Variants in CD276 observed in about 807,000 individuals in gnomAD.
The protein encoded by CD276 is CD276 antigen.
A neutral mutation model predicts 50.0 loss-of-function variants in CD276; 34 were observed. The observed-to-expected ratio is 0.68, with a 90% CI of 0.52 to 0.91. CD276 has a LOEUF of 0.91. CD276 is among the 40% of genes least tolerant of loss of function. CD276 has a pLI of 0.00. For missense variants in CD276, 634 were observed against 717.5 expected (o/e 0.88, Z 1.33); for synonymous variants, 275 against 313.0 (o/e 0.88, Z 1.28).
chr15:73,703,175 T>G, intron 4 of CD276, 89 bp downstream of exon 4: 2 of 1,431,246 alleles, frequency 1.4e-6, no homozygotes, highest in Non-Finnish European at 1.9e-6. Flanking sequence ...CCACCTTCAA[T>G]CTCCCAGAAC....
intron 6 of CD276, 116 bp from the exon 7 acceptor site, chr15:73,708,223 T>C (rs1900723920): frequency 1.5e-5 from 16 of 1,098,502 alleles, no homozygotes; most frequent in Non-Finnish European, 7.9e-6. Flanking sequence ...GCTTTATTCA[T>C]AGTGTTAGGG....
chr15:73,692,575 C>T (rs1230453558), intron 1 of CD276, among the ~76,000 whole-genome samples: 1 of 152,050 alleles, frequency 6.6e-6, no homozygotes, highest in Non-Finnish European at 1.5e-5. Context: ...ACAAAACTGG[C>T]CTATGTTATT....
At chr15:73,699,805 C>A in intron 2 of CD276, 87 bp downstream of exon 2, 1 of 1,451,664 alleles carries the variant, frequency 6.9e-7, no homozygotes, top group Non-Finnish European at 9.2e-7. Flanking sequence ...AGGGGTCCTG[C>A]CAAGCCAGCT....
Position 73,704,455 on chromosome 15 carries a change from G to C in CD276, c.1352G>C (p.Gly451Ala), listed in dbSNP as rs761709030. 5 of 1,613,206 alleles carry C rather than the reference G, an allele frequency of 3.1e-6. No individual in the cohort carries two copies. In the African/African-American group the frequency reaches 5.3e-5, roughly 17 times the overall value. The change falls in exon 6 of 10, where the codon GGC (glycine) becomes GCC (alanine). Residue 451 changes from glycine (G) to alanine (A), a missense_variant. Physicochemically the swap from Gly to Ala is moderately conservative, Grantham distance 60. Transcript: ENST00000318443. This position sits in a 1 kb window ranked among gnomAD's most constrained non-coding sequence, Gnocchi z 4.1. ...CCCGTGCTGCAGCAGGATGCGCACG[G>C]CTCTGTCACCATCACAGGTAAGGGC... ...RNPVLQQDAH[G>A]SVTITGQPMT...
intron 9 of CD276, 58 bp downstream of exon 9, chr15:73,711,228 G>A (rs1900888935): frequency 1.3e-6 from 2 of 1,577,118 alleles, no homozygotes; most frequent in Non-Finnish European, 1.7e-6. Flanking sequence ...TGTGTGAGAG[G>A]CTGAGAGGGT....
chr15:73,695,730 C>T (rs1223988130), intron 1 of CD276, among the ~76,000 whole-genome samples: 4 of 152,212 alleles, frequency 2.6e-5, no homozygotes, highest in African/African-American at 9.6e-5. Flanking sequence ...AATATCTGGG[C>T]GGTCTAGGTC....
intron 2 of CD276, among the ~76,000 whole-genome samples, chr15:73,702,001 A>G (rs1354094631): frequency 2.6e-5 from 4 of 152,196 alleles, no homozygotes; most frequent in Non-Finnish European, 5.9e-5. Context: ...TCTCTCTCCC[A>G]TTAAAATGTA....
In CD276 at chr15:73,709,799, A is replaced by T. The variant is rs561091827; in HGVS notation, c.1546+110A>T. On this transcript the variant is annotated intron_variant, in intron 8 of 9. Transcript: ENST00000318443. ...AGATTTGCTGTAAGGTTTGAATGAA[A>T]TGTGTTCTGTGGACTCAGACCTCCC... 7 of 1,142,084 alleles carry T rather than the reference A, an allele frequency of 6.1e-6. No individual in the cohort carries two copies. In the South Asian group the frequency reaches 8.9e-5, roughly 14 times the overall value. The allele number at this position is 1,142,084 out of a possible 1,614,324, so 70.7% of individuals were successfully genotyped here. A position where few individuals can be genotyped will look rare whatever the true frequency, so the allele number is the denominator to read the frequency against.
chr15:73,714,073 C>G lies in CD276; in HGVS notation c.*1117C>G, dbSNP rs1048992700. 1 of 290,940 alleles carries G rather than the reference C, an allele frequency of 3.4e-6. No homozygotes were observed. The highest frequency in any genetic ancestry group is 2.4e-5 in the African/African-American group (1 of 42,364). 18.0% of individuals were successfully genotyped at this position (290,940 alleles called of 1,614,324 possible). A position where few individuals can be genotyped will look rare whatever the true frequency, so the allele number is the denominator to read the frequency against. On this transcript the variant is annotated 3_prime_UTR_variant, in exon 10 of 10. Transcript: ENST00000318443. ...ACCCCCATCCCACCCATAATTCTTACCCAGAGCATGGGGTTGGGGCGGAAA... is the reference window on the plus strand; with the variant it reads ...ACCCCCATCCCACCCATAATTCTTAGCCAGAGCATGGGGTTGGGGCGGAAA...
Position 73,713,989 on chromosome 15 carries a change from C to G in CD276, c.*1033C>G, listed in dbSNP as rs910253571. On this transcript the variant is annotated 3_prime_UTR_variant, in exon 10 of 10. Coordinates refer to ENST00000318443, the MANE Select transcript of CD276 (RefSeq NM_001024736.2). ...ACTGCACCCTGCGGTTTGCAGGGGGCTCCTGCCTGGCTCCCTGCTCCACAC... is the reference window on the plus strand; with the variant it reads ...ACTGCACCCTGCGGTTTGCAGGGGGGTCCTGCCTGGCTCCCTGCTCCACAC... The G allele has an allele frequency of 1.9e-5, 6 of 310,420 alleles. No homozygotes were observed. Among genetic ancestry groups the G allele is most frequent in the Non-Finnish European group, 3.6e-5 (6 of 166,194 alleles). 19.2% of individuals were successfully genotyped at this position (310,420 alleles called of 1,614,324 possible). A position where few individuals can be genotyped will look rare whatever the true frequency, so the allele number is the denominator to read the frequency against.
At chr15:73,686,909 C>G (rs973063041) in intron 1 of CD276, among the ~76,000 whole-genome samples, 8 of 152,104 alleles carry the variant, frequency 5.3e-5, no homozygotes, top group African/African-American at 1.9e-4. Context: ...AGGAGGATGA[C>G]GTTACTGCCC....
In CD276 at chr15:73,708,361, A is replaced by C. The variant is rs1015331914; in HGVS notation, c.1392A>C (p.Pro464=). The part of the protein sequence containing the change: ...TITGQPMTFP[P]EALWVTVGLS... ...CAGGGCAGCCTATGACATTCCCCCC[A>C]GAGGCCCTGTGGGTGACCGTGGGGC... is the stretch of plus-strand genomic sequence containing the variant. Residue 464 remains proline (P), a synonymous_variant, in exon 7 of 10, where the codon CCA becomes CCC. Transcript: ENST00000318443. 6 of 1,614,048 alleles carry C rather than the reference A, an allele frequency of 3.7e-6. No individual in the cohort carries two copies. In the African/African-American group the frequency reaches 4.0e-5, roughly 11 times the overall value.
chr15:73,711,048 A>G (rs1299734550), intron 8 of CD276, 87 bp from the exon 9 acceptor site: 1 of 1,370,868 alleles, frequency 7.3e-7, no homozygotes. Flanking sequence ...CGCCCCTTCC[A>G]GCCCTCACTC....
chr15:73,713,039 C>T lies in CD276; in HGVS notation c.*83C>T. The T allele has an allele frequency of 7.9e-7, 1 of 1,267,552 alleles. No individual in the cohort carries two copies. Among genetic ancestry groups the T allele is most frequent in the Non-Finnish European group, 1.1e-6 (1 of 881,920 alleles). The allele number at this position is 1,267,552 out of a possible 1,614,324, so 78.5% of individuals were successfully genotyped here. On this transcript the variant is annotated 3_prime_UTR_variant, in exon 10 of 10. Coordinates refer to ENST00000318443, the MANE Select transcript of CD276 (RefSeq NM_001024736.2). ...GGGGCTGCACTGTGAGCCCTGCCCCCAACAGATGCATCCTGCTCTGACAGG... is the reference window on the plus strand; with the variant it reads ...GGGGCTGCACTGTGAGCCCTGCCCCTAACAGATGCATCCTGCTCTGACAGG...
intron 7 of CD276, 167 bp downstream of exon 7, chr15:73,708,640 G>A: frequency 1.4e-6 from 1 of 730,654 alleles, no homozygotes; most frequent in South Asian, 1.8e-5. Flanking sequence ...CGTCTTGTGT[G>A]TGTGAACAAG....
chr15:73,693,370 T>C (rs1353261740), intron 1 of CD276, among the ~76,000 whole-genome samples: 1 of 152,214 alleles, frequency 6.6e-6, no homozygotes, highest in Non-Finnish European at 1.5e-5. Context: ...TGCCGACTTA[T>C]ACACTTAAAC....
At position 73,714,074 on chromosome 15, in the gene CD276, CCAGAG is replaced by C; in HGVS notation, c.*1121_*1125del. On this transcript the variant is annotated 3_prime_UTR_variant, in exon 10 of 10. Coordinates refer to ENST00000318443, the MANE Select transcript of CD276 (RefSeq NM_001024736.2). ...CCCCCATCCCACCCATAATTCTTAC[CCAGAG>C]CATGGGGTTGGGGCGGAAACCTGGA... 3.4e-6 allele frequency: 1 copy of C among 291,190 alleles called. No homozygotes were observed. Among genetic ancestry groups the C allele is most frequent in the Middle Eastern group, 1.2e-3 (1 of 856 alleles). 18.0% of individuals were successfully genotyped at this position (291,190 alleles called of 1,614,324 possible).
intron 1 of CD276, chr15:73,686,178 G>C (rs1385524213): frequency 5.8e-6 from 2 of 341,988 alleles, no homozygotes; most frequent in Non-Finnish European, 8.3e-6. Flanking sequence ...GATGCAGTCA[G>C]GGTCCCATGA....
Position 73,704,335 on chromosome 15 carries a change from C to T in CD276, c.1232C>T (p.Ser411Leu), listed in dbSNP as rs372124791. 1.4e-4 allele frequency: 224 copies of T among 1,613,812 alleles called. No individual in the cohort carries two copies. The highest frequency in any genetic ancestry group is 2.9e-4 in the East Asian group (13 of 44,880). ...GVPLTGNVTTSQMANEQGLFD... is the reference protein window; with the variant it reads ...GVPLTGNVTTLQMANEQGLFD... Reference sequence around the variant, plus strand: ...CCCCTGACTGGCAACGTGACCACGTCGCAGATGGCCAACGAGCAGGGCTTG... The same window carrying T: ...CCCCTGACTGGCAACGTGACCACGTTGCAGATGGCCAACGAGCAGGGCTTG... The change falls in exon 6 of 10, where the codon TCG (serine) becomes TTG (leucine). Residue 411 changes from serine to leucine, a missense_variant. Coordinates refer to ENST00000318443, the MANE Select transcript of CD276 (RefSeq NM_001024736.2). The surrounding 1 kb of genome is among the most constrained non-coding windows in gnomAD (Gnocchi z 4.1).
Sources: allele counts gnomAD v4.1 joint callset (sites outside exome capture counted in the v4.1 genomes callset), GRCh38; gene constraint gnomAD v4.1.1; non-coding constraint Gnocchi (gnomAD v3.1); transcripts MANE v1.5; gene names NCBI Gene and HGNC (gene_info 2026-07-23, HGNC 2026-07-21).